MACF1: variants seen among roughly 807,000 people sequenced by gnomAD.
MACF1 encodes microtubule-actin cross-linking factor 1.
A neutral mutation model predicts 854.8 loss-of-function variants in MACF1; 193 were observed. That is an observed-to-expected ratio of 0.23 (90% confidence interval 0.20 to 0.25). The LOEUF is 0.25. Among genes scored for constraint, MACF1 ranks in the 10% least tolerant of loss-of-function variants. The probability of loss-of-function intolerance (pLI) is 1.00; values close to 1 mark genes in which losing one functional copy is unlikely to be tolerated. For missense variants in MACF1, 7,722 were observed against 8,929.1 expected, an observed-to-expected ratio of 0.86 and a Z score of 5.45; for synonymous variants, 3,185 against 3,226.7, an observed-to-expected ratio of 0.99 and a Z score of 0.44.
At chr1:39,467,238 G>A (rs181049201) in intron 95 of MACF1, among the ~76,000 whole-genome samples, 1 of 152,082 alleles carries the variant, frequency 6.6e-6, no homozygotes, top group South Asian at 2.1e-4. Flanking sequence ...GGTGGCGGGC[G>A]CCTGTAGTCC....
intron 5 of MACF1, among the ~76,000 whole-genome samples, chr1:39,256,034 A>G (rs1476871515): frequency 6.6e-6 from 1 of 152,224 alleles, no homozygotes; most frequent in Admixed American, 6.5e-5. Flanking sequence ...GCAGATGGCC[A>G]AGGTAGGGAA....
In MACF1 at chr1:39,461,207, C is replaced by T. The variant is rs138874615; in HGVS notation, c.21523+413C>T. Among the ~76,000 whole-genome samples the T allele has an allele frequency of 8.4e-3, 1,274 of 152,056 alleles. 22 individuals are homozygous for T. The highest frequency in any genetic ancestry group is 0.029 in the African/African-American group (1,201 of 41,456). ...AATAGTCACACTTCCCTTTGTATAG[C>T]AATTTGTTTAGAATCTAAGACAATA... On this transcript the variant is annotated intron_variant, in intron 92 of 100. Transcript: ENST00000564288.
chr1:39,333,382 G>A lies in MACF1; in HGVS notation c.6794G>A (p.Ser2265Asn), dbSNP rs1359109098. Residue 2265 changes from serine (S) to asparagine (N), a missense_variant, in exon 37 of 101, where the codon AGT becomes AAT. Ser to Asn is a conservative substitution (Grantham distance 46, BLOSUM62 1). Transcript: ENST00000564288. ...MMSEKTDEEDSGREIFLSCSH... is the reference protein window; with the variant it reads ...MMSEKTDEEDNGREIFLSCSH... ...TCAGAAAAGACCGATGAGGAAGATA[G>A]TGGCAGGGAAATTTTTCTGTCATGC... 2 of 1,613,982 alleles carry A rather than the reference G, an allele frequency of 1.2e-6. No individual in the cohort carries two copies. The highest frequency in any genetic ancestry group is 1.7e-6 in the Non-Finnish European group (2 of 1,180,010).
chr1:39,149,099 G>GGGAGAGGGTGACTCTTGAATGCC (rs1256137136), intron 2 of MACF1, among the ~76,000 whole-genome samples: 1 of 152,186 alleles, frequency 6.6e-6, no homozygotes, highest in African/African-American at 2.4e-5. Flanking sequence ...AGGATCAGAA[G>GGGAGAGGGTGACTCTTGAATGCC]GGAGAGGGTG....
At chr1:39,441,664 A>T (rs1183036123) in intron 74 of MACF1, among the ~76,000 whole-genome samples, 1 of 152,250 alleles carries the variant, frequency 6.6e-6, no homozygotes, top group East Asian at 1.9e-4. Context: ...GCTTCAGAAC[A>T]TCATGAGCTT....
intron 26 of MACF1, among the ~76,000 whole-genome samples, chr1:39,313,430 T>C (rs1646342448): frequency 6.6e-6 from 1 of 152,202 alleles, no homozygotes; most frequent in African/African-American, 2.4e-5. Context: ...GTATCATAGT[T>C]GCCAAAAGCT....
chr1:39,353,323 C>T, intron 44 of MACF1, 92 bp downstream of exon 44: 2 of 910,110 alleles, frequency 2.2e-6, no homozygotes, highest in Non-Finnish European at 3.3e-6. Context: ...ATCCAGTGAG[C>T]ACTTCTCAGT....
intron 61 of MACF1, among the ~76,000 whole-genome samples, chr1:39,425,164 A>G (rs1180692674): frequency 6.6e-6 from 1 of 151,800 alleles, no homozygotes; most frequent in Non-Finnish European, 1.5e-5. Flanking sequence ...TTCTTTTTTT[A>G]ATTTCTCCTT....
chr1:39,200,352 T>G (rs775034800), upstream of MACF1, among the ~76,000 whole-genome samples: 10 of 152,178 alleles, frequency 6.6e-5, no homozygotes, highest in Non-Finnish European at 1.5e-4. Flanking sequence ...TTGAACTTGA[T>G]CTCTTCTCTA....
At chr1:39,116,086 C>T (rs940560523) in intron 2 of MACF1, among the ~76,000 whole-genome samples, 2 of 152,052 alleles carry the variant, frequency 1.3e-5, no homozygotes, top group African/African-American at 4.8e-5. Flanking sequence ...TGTATTGTAA[C>T]ACAGGAGAGA....
chr1:39,290,078 T>C (rs1645744874), intron 15 of MACF1, among the ~76,000 whole-genome samples: 4 of 152,180 alleles, frequency 2.6e-5, no homozygotes, highest in Admixed American at 2.6e-4. Context: ...TAGCTTTGGT[T>C]GCCTATGTTG....
chr1:39,435,604 T>G lies in MACF1; in HGVS notation c.17831T>G (p.Leu5944Arg), dbSNP rs1643956912. The G allele has an allele frequency of 6.2e-7, 1 of 1,614,026 alleles. No individual in the cohort carries two copies. The highest frequency in any genetic ancestry group is 8.5e-7 in the Non-Finnish European group (1 of 1,180,018). Residue 5944 changes from leucine (L) to arginine (R), a missense_variant, in exon 70 of 101, where the codon CTA becomes CGA. This residue lies in a region of MACF1 where 2,807 missense variants were observed against 3,235.8 expected (regional missense o/e 0.87). Coordinates refer to ENST00000564288, the MANE Select transcript of MACF1 (RefSeq NM_001394062.1). ...GAACACAAACCTCATATTGACAAAC[T>G]ACTAAAGATAGGCCCACAACTAAAG... ...IAEHKPHIDK[L>R]LKIGPQLKEL...
rs2148568956 is a variant in MACF1, at chr1:39,388,402, TAGA to T, written c.15567_15569del (p.Glu5190del). The T allele has an allele frequency of 2.5e-6, 4 of 1,614,060 alleles. No homozygotes were observed. The highest frequency in any genetic ancestry group is 2.5e-6 in the Non-Finnish European group (3 of 1,180,016). ...TCTGAAGCAGAGTGTCGACATATGC[TAGA>T]AGAAGAGGGGACTCTGGATTTGTTA... On this transcript the variant is annotated inframe_deletion, in exon 58 of 101. Transcript: ENST00000564288.
intron 2 of MACF1, among the ~76,000 whole-genome samples, chr1:39,148,001 G>A (rs569098625): frequency 3.9e-5 from 6 of 152,072 alleles, no homozygotes; most frequent in Admixed American, 1.3e-4. Context: ...CCTCACAAAT[G>A]CTTGTTCATA....
At chr1:39,171,048 G>A (rs1232627812) in intron 2 of MACF1, among the ~76,000 whole-genome samples, 2 of 152,108 alleles carry the variant, frequency 1.3e-5, no homozygotes, top group African/African-American at 2.4e-5. Flanking sequence ...TGACTGTAGG[G>A]CTGGCTCTAA....
In MACF1 at chr1:39,167,252, G is replaced by A. The variant is rs188563464; in HGVS notation, c.221-63930G>A. ...GCTGGGATTACAGGCTTGAGCCACC[G>A]CACACAGCCAGGGATGTGAAATCTT... On this transcript the variant is annotated intron_variant, in intron 2 of 93. Transcript: ENST00000361689. 8.6e-3 allele frequency among the ~76,000 whole-genome samples: 1,281 copies of A among 149,784 alleles called. 14 individuals carry two copies. The highest frequency in any genetic ancestry group is 0.029 in the African/African-American group (1,192 of 40,960).
chr1:39,314,454 TACAC>T (rs748951832), intron 26 of MACF1, among the ~76,000 whole-genome samples: 1 of 151,040 alleles, frequency 6.6e-6, no homozygotes, highest in Non-Finnish European at 1.5e-5. Context: ...TATATATGCA[TACAC>T]ACACACACAC....
At chr1:39,422,949 T>C (rs1352947113) in intron 60 of MACF1, 49 bp downstream of exon 60, 1 of 1,537,088 alleles carries the variant, frequency 6.5e-7, no homozygotes, top group Non-Finnish European at 9.0e-7. Context: ...TAGGGAGTAG[T>C]AGACAACACA....
At chr1:39,320,758 A>G (rs1646498892) in intron 31 of MACF1, among the ~76,000 whole-genome samples, 1 of 152,134 alleles carries the variant, frequency 6.6e-6, no homozygotes, top group African/African-American at 2.4e-5. Context: ...ACTTGATCCC[A>G]GAAGTTTGAG....
Sources: allele counts gnomAD v4.1 joint callset (sites outside exome capture counted in the v4.1 genomes callset), GRCh38; gene constraint gnomAD v4.1.1; regional missense constraint gnomAD v4.1.1; transcripts MANE v1.5; gene names NCBI Gene and HGNC (gene_info 2026-07-23, HGNC 2026-07-21).